The following CTNNA2 variants were observed in gnomAD, a reference collection of about 807,000 sequenced individuals.
CTNNA2 encodes the protein catenin alpha 2.
In CTNNA2, 42 loss-of-function variants were observed where a neutral mutation model predicts 101.0. The observed-to-expected ratio is 0.42, with a 90% CI of 0.32 to 0.54. The LOEUF (loss-of-function observed/expected upper bound fraction) is 0.54. Among genes scored for constraint, CTNNA2 ranks in the 20% least tolerant of loss-of-function variants. The pLI is 0.14. For missense variants in CTNNA2, 871 were observed against 1,223.1 expected, an observed-to-expected ratio of 0.71 and a Z score of 4.29; for synonymous variants, 450 against 456.4, an observed-to-expected ratio of 0.99 and a Z score of 0.18.
At chr2:79,611,756 G>A (rs545236893) in intron 1 of CTNNA2, among the ~76,000 whole-genome samples, 2 of 152,204 alleles carry the variant, frequency 1.3e-5, no homozygotes, top group African/African-American at 2.4e-5. Flanking sequence ...ATTTACTGCA[G>A]TATGAGAAGC....
At chr2:80,150,521 A>T (rs1252440728) in intron 7 of CTNNA2, among the ~76,000 whole-genome samples, 1 of 152,198 alleles carries the variant, frequency 6.6e-6, no homozygotes, top group African/African-American at 2.4e-5. Flanking sequence ...AGGAATTTGC[A>T]TTCTTTAGGG....
At chr2:79,673,967 A>G (rs1248836644) in intron 2 of CTNNA2, among the ~76,000 whole-genome samples, 1 of 152,198 alleles carries the variant, frequency 6.6e-6, no homozygotes, top group Non-Finnish European at 1.5e-5. Flanking sequence ...AAACATGCAT[A>G]GATCTGTGTT....
chr2:80,259,773 T>C (rs1672454496), intron 7 of CTNNA2, among the ~76,000 whole-genome samples: 1 of 152,242 alleles, frequency 6.6e-6, no homozygotes, highest in African/African-American at 2.4e-5. Context: ...TCAGCCTTTG[T>C]TTTCTCATTC....
chr2:79,877,735 T>A (rs1412242117), intron 6 of CTNNA2, among the ~76,000 whole-genome samples: 2 of 152,292 alleles, frequency 1.3e-5, no homozygotes, highest in East Asian at 3.9e-4. Flanking sequence ...TCTCATATAG[T>A]GAAAATTTAA....
chr2:79,563,409 A>T (rs968459621), intron 1 of CTNNA2, among the ~76,000 whole-genome samples: 1 of 152,042 alleles, frequency 6.6e-6, no homozygotes, highest in Admixed American at 6.6e-5. Context: ...ATACATGATA[A>T]TCAGGACAAT....
chr2:80,631,191 G>T (rs1672247381), intron 18 of CTNNA2, among the ~76,000 whole-genome samples: 1 of 152,060 alleles, frequency 6.6e-6, no homozygotes, highest in African/African-American at 2.4e-5. Context: ...TATTAAGCAT[G>T]ATTTTTAGTA....
At chr2:80,310,742 C>T (rs1404879684) in intron 7 of CTNNA2, among the ~76,000 whole-genome samples, 5 of 152,088 alleles carry the variant, frequency 3.3e-5, no homozygotes, top group South Asian at 2.1e-4. Context: ...GAGGCCGAGG[C>T]GGGTGGATCA....
At chr2:79,417,238 C>T (rs992299529) in intron 4 of CTNNA2, among the ~76,000 whole-genome samples, 3 of 152,038 alleles carry the variant, frequency 2.0e-5, no homozygotes, top group African/African-American at 4.8e-5. Flanking sequence ...TACTAAATTT[C>T]CAAATAAGCT....
intron 1 of CTNNA2, among the ~76,000 whole-genome samples, chr2:79,620,443 C>T (rs1678922091): frequency 6.6e-6 from 1 of 152,204 alleles, no homozygotes; most frequent in Non-Finnish European, 1.5e-5. Flanking sequence ...AAATCCTTCA[C>T]ACTCCACCCT....
chr2:80,184,078 T>C (rs531976800), intron 7 of CTNNA2, among the ~76,000 whole-genome samples: 12 of 151,984 alleles, frequency 7.9e-5, no homozygotes, highest in Non-Finnish European at 1.6e-4. Flanking sequence ...ATAATAATAA[T>C]AATAATAACC....
chr2:80,639,730 T>C (rs549530556), intron 18 of CTNNA2, among the ~76,000 whole-genome samples: 1 of 152,304 alleles, frequency 6.6e-6, no homozygotes, highest in Non-Finnish European at 1.5e-5. Flanking sequence ...CATAATATGG[T>C]ATTAGTACAA....
At chr2:80,513,071 G>C (rs909031794) in intron 9 of CTNNA2, among the ~76,000 whole-genome samples, 2 of 152,150 alleles carry the variant, frequency 1.3e-5, no homozygotes, top group Non-Finnish European at 2.9e-5. Context: ...ACCCACAAGT[G>C]CTCCTCTCTT....
intron 2 of CTNNA2, among the ~76,000 whole-genome samples, chr2:79,720,274 C>T (rs887690123): frequency 6.6e-6 from 1 of 152,028 alleles, no homozygotes; most frequent in Non-Finnish European, 1.5e-5. Context: ...GTACCAGTAC[C>T]GTGCTGGTTT....
chr2:79,502,218 A>G (rs1671328082), intron 4 of CTNNA2, among the ~76,000 whole-genome samples: 1 of 152,144 alleles, frequency 6.6e-6, no homozygotes, highest in Admixed American at 6.5e-5. Context: ...TTTGGAGAAT[A>G]TGTGTGGGAA....
At chr2:79,865,275 G>A (rs934207337) in intron 4 of CTNNA2, among the ~76,000 whole-genome samples, 1 of 152,098 alleles carries the variant, frequency 6.6e-6, no homozygotes, top group Non-Finnish European at 1.5e-5. Context: ...AGACACCAAT[G>A]GCCATACCAG....
At chr2:79,217,494 G>T (rs980396975) in intron 2 of CTNNA2, among the ~76,000 whole-genome samples, 6 of 152,136 alleles carry the variant, frequency 3.9e-5, no homozygotes, top group Non-Finnish European at 8.8e-5. Flanking sequence ...TTCTCTGGCG[G>T]GCAGGAGTGG....
intron 2 of CTNNA2, among the ~76,000 whole-genome samples, chr2:79,267,238 A>T (rs1308637568): frequency 6.6e-6 from 1 of 152,164 alleles, no homozygotes; most frequent in African/African-American, 2.4e-5. Flanking sequence ...GCTATAAAAA[A>T]ATACCATAAA....
Position 80,053,828 on chromosome 2 carries a change from A to AT in CTNNA2, c.1056+144037dup, listed in dbSNP as rs1438706135. Reference sequence around the variant, plus strand: ...AATTTCATTACATTTTCCAGTCTTTATTTTTTCAGTGTGGTTAACTGTCAT... The same window carrying AT: ...AATTTCATTACATTTTCCAGTCTTTATTTTTTTCAGTGTGGTTAACTGTCAT... On this transcript the variant is annotated intron_variant, in intron 7 of 18. Coordinates refer to ENST00000402739, the MANE Select transcript of CTNNA2 (RefSeq NM_001282597.3). 2.6e-5 allele frequency among the ~76,000 whole-genome samples: 4 copies of AT among 152,106 alleles called. No individual in the cohort carries two copies. In the South Asian group the frequency reaches 8.3e-4, roughly 31 times the overall value.
At chr2:79,768,429 A>G (rs890069673) in intron 3 of CTNNA2, among the ~76,000 whole-genome samples, 3 of 151,230 alleles carry the variant, frequency 2.0e-5, no homozygotes, top group African/African-American at 7.3e-5. Context: ...GGTTCCTTTG[A>G]AGATGTTTTC....
Sources: gnomAD v4.1 joint callset for allele counts (sites outside exome capture counted in the v4.1 genomes callset) on GRCh38, gnomAD v4.1.1 for gene constraint, MANE v1.5 for transcripts, NCBI Gene and HGNC (gene_info 2026-07-23, HGNC 2026-07-21) for gene names.